MUC22: variants seen among roughly 807,000 people sequenced by gnomAD.
The protein encoded by MUC22 is mucin 22, also known as mucin-22.
In MUC22, 24 loss-of-function variants were observed where a neutral mutation model predicts 40.3. That is an observed-to-expected ratio of 0.60 (90% CI 0.43 to 0.84). The LOEUF is 0.84. Ranked by LOEUF, MUC22 falls within the 40% of genes least tolerant of loss-of-function variation. MUC22 has a pLI of 0.00. For synonymous variants in MUC22, 765 were observed against 844.5 expected (o/e 0.91, Z 1.63); for missense variants, 1,926 against 2,130.7 (o/e 0.90, Z 1.89).
At chr6:31,022,345 G>T (rs1023587136) in intron 1 of MUC22, among the ~76,000 whole-genome samples, 2 of 152,022 alleles carry the variant, frequency 1.3e-5, no homozygotes, top group African/African-American at 4.8e-5. Context: ...TGTATTTTTA[G>T]TACAGATGGG....
chr6:31,035,044 G>A, exon 4 of MUC22: 1 of 1,159,404 alleles, frequency 8.6e-7, no homozygotes, highest in South Asian at 1.6e-5. Context: ...GGTGGGAGGG[G>A]GTCATGGAGG....
exon 2 of MUC22, chr6:31,027,710 C>G: frequency 6.5e-7 from 1 of 1,533,574 alleles, no homozygotes; most frequent in South Asian, 1.2e-5. Flanking sequence ...ACAGCCTCTA[C>G]TGAAGGCTCT....
chr6:31,032,973 C>T lies in MUC22; in HGVS notation c.5055+392C>T, dbSNP rs1417659101. ...TTGAGTCCAGGCATTTGAGACCAGC[C>T]TGGCCAACATGGTGAAACTTGTCTT... On this transcript the variant is annotated intron_variant, in intron 3 of 3. Coordinates refer to ENST00000561890, the Ensembl canonical transcript of MUC22. The surrounding 1 kb of genome is among the most constrained non-coding windows in gnomAD (Gnocchi z 4.1). Among the ~76,000 whole-genome samples the T allele has an allele frequency of 1.3e-5, 2 of 152,136 alleles. No individual in the cohort carries two copies. Among genetic ancestry groups the T allele is most frequent in the Non-Finnish European group, 2.9e-5 (2 of 68,028 alleles).
chr6:31,022,536 A>G (rs12526568), intron 1 of MUC22, among the ~76,000 whole-genome samples: 1,763 of 150,696 alleles, frequency 0.012, 23 homozygotes, highest in Admixed American at 0.034. Context: ...TGTGCTGGAA[A>G]TGATAAATAT....
chr6:31,022,157 A>G (rs911976790), intron 1 of MUC22, among the ~76,000 whole-genome samples: 2 of 152,140 alleles, frequency 1.3e-5, no homozygotes, highest in African/African-American at 2.4e-5. Flanking sequence ...AACTCCAGAC[A>G]TGCCACCTTA....
Position 31,032,434 on chromosome 6 carries a change from C to T in MUC22, c.4908C>T (p.Ser1636=). Residue 1636 remains serine (S), a synonymous_variant, in exon 3 of 4, where the codon TCC becomes TCT. Coordinates refer to ENST00000561890, the Ensembl canonical transcript of MUC22. This position sits in a 1 kb window ranked among gnomAD's most constrained non-coding sequence, Gnocchi z 4.1. Reference sequence around the variant, plus strand: ...CCTTCCAGGAAACAGGCCCGGTGTCCATGGGCACAAACACAGTTAGCATGA... The same window carrying T: ...CCTTCCAGGAAACAGGCCCGGTGTCTATGGGCACAAACACAGTTAGCATGA... 1 of 1,535,724 alleles carries T rather than the reference C, an allele frequency of 6.5e-7. No homozygotes were observed. The highest frequency in any genetic ancestry group is 8.7e-7 in the Non-Finnish European group (1 of 1,146,916).
intron 1 of MUC22, among the ~76,000 whole-genome samples, chr6:31,019,781 G>C (rs1265341373): frequency 1.3e-5 from 2 of 152,180 alleles, no homozygotes; most frequent in Admixed American, 6.5e-5. Context: ...TTGAACCCGG[G>C]AGGTGGAAGT....
intron 1 of MUC22, among the ~76,000 whole-genome samples, chr6:31,015,324 A>T (rs1764117747): frequency 6.6e-6 from 1 of 152,178 alleles, no homozygotes; most frequent in African/African-American, 2.4e-5. Flanking sequence ...AAAACATGAT[A>T]ATATACAGAA....
chr6:31,024,545 C>T (rs1231918135), intron 1 of MUC22, among the ~76,000 whole-genome samples: 1 of 151,918 alleles, frequency 6.6e-6, no homozygotes, highest in South Asian at 2.1e-4. Flanking sequence ...ACCTTTCTAC[C>T]ATGGTATTTT....
chr6:31,018,816 CTCT>C (rs1764463370), intron 1 of MUC22, among the ~76,000 whole-genome samples: 1 of 152,238 alleles, frequency 6.6e-6, no homozygotes, highest in Non-Finnish European at 1.5e-5. Context: ...CCTCTCTATT[CTCT>C]TGACTTCCTT....
rs1018174255 is a variant in MUC22 at position 31,011,068 on chromosome 6, T to C, written c.70+292T>C. ...CTGGGGAAATGGAGGGGGGTGAGAT[T>C]TTACTTTCCTTTGTATCTTGGATAA... On this transcript the variant is annotated intron_variant, in intron 1 of 3. Transcript: ENST00000561890. The surrounding 1 kb of genome is among the most constrained non-coding windows in gnomAD (Gnocchi z 4.5). 6.7e-6 allele frequency among the ~76,000 whole-genome samples: 1 copy of C among 149,196 alleles called. No individual in the cohort carries two copies. The highest frequency in any genetic ancestry group is 2.5e-5 in the African/African-American group (1 of 39,654).
At chr6:31,029,284 A>T (rs1260620722) in exon 2 of MUC22, 2 of 1,528,336 alleles carry the variant, frequency 1.3e-6, no homozygotes, top group Non-Finnish European at 1.8e-6. Flanking sequence ...AGGTTCAGAG[A>T]CCACTACAGT....
upstream of MUC22, chr6:31,006,139 T>C: frequency 2.5e-6 from 1 of 394,626 alleles, no homozygotes; most frequent in Non-Finnish European, 4.9e-6. Flanking sequence ...GTTAGGTAAG[T>C]TAATGATTCA....
At chr6:31,022,805 A>G (rs950511672) in intron 1 of MUC22, among the ~76,000 whole-genome samples, 2 of 152,174 alleles carry the variant, frequency 1.3e-5, no homozygotes, top group African/African-American at 4.8e-5. Context: ...ATGATATTTA[A>G]TAAGCTAATG....
Position 31,025,883 on chromosome 6 carries a change from CT to C in MUC22, c.453del (p.Thr152ProfsTer20). The C allele has an allele frequency of 4.6e-6, 7 of 1,535,398 alleles. No individual in the cohort carries two copies. The highest frequency in any genetic ancestry group is 5.2e-6 in the Non-Finnish European group (6 of 1,146,704). On this transcript the variant is annotated frameshift_variant, in exon 2 of 4. Coordinates refer to ENST00000561890, the Ensembl canonical transcript of MUC22. LOFTEE classifies it high-confidence loss of function. The stretch of plus-strand genomic sequence containing the variant: ...ATAGCCTCCACTACAGTCCCTGAGA[CT>C]ACCATGGCCTCCAGCACAACCTCCA...
At chr6:31,024,108 T>C (rs1371873458) in intron 1 of MUC22, among the ~76,000 whole-genome samples, 1 of 152,078 alleles carries the variant, frequency 6.6e-6, no homozygotes, top group East Asian at 1.9e-4. Context: ...AGGAAAATTC[T>C]ATAAAATAAT....
At chr6:31,026,955 C>G in exon 2 of MUC22, 6 of 1,493,272 alleles carry the variant, frequency 4.0e-6, no homozygotes, top group Non-Finnish European at 5.4e-6. Context: ...CCACTGCAGC[C>G]TCTACTGAAG....
intron 1 of MUC22, among the ~76,000 whole-genome samples, chr6:31,012,960 C>A (rs762405372): frequency 6.6e-6 from 1 of 151,918 alleles, no homozygotes; most frequent in African/African-American, 2.4e-5. Flanking sequence ...GGCCCTGACA[C>A]CCCACCAAGC....
At chr6:31,029,888 A>G in exon 2 of MUC22, 1 of 1,515,640 alleles carries the variant, frequency 6.6e-7, no homozygotes, top group South Asian at 1.2e-5. Flanking sequence ...TCTGAGACCA[A>G]CACTGCCTTC....
Sources: gnomAD v4.1 joint callset for allele counts (sites outside exome capture counted in the v4.1 genomes callset) on GRCh38, gnomAD v4.1.1 for gene constraint, Gnocchi (gnomAD v3.1) non-coding constraint, MANE v1.5 for transcripts, NCBI Gene and HGNC (gene_info 2026-07-23, HGNC 2026-07-21) for gene names.